SASH1: variants seen among roughly 807,000 people sequenced by gnomAD.
SASH1 encodes the protein SAM and SH3 domain-containing protein 1.
Under a neutral mutation model 125.2 loss-of-function variants are expected in SASH1, and 44 were observed. The ratio of observed to expected loss-of-function variants is 0.35; its 90% CI spans 0.28 to 0.45. The LOEUF (loss-of-function observed/expected upper bound fraction) is 0.45, where lower values mean the gene tolerates loss of function less well. Among genes scored for constraint, SASH1 ranks in the 20% least tolerant of loss-of-function variants. The pLI is 1.00. For synonymous variants in SASH1, 639 were observed against 649.1 expected (o/e 0.98, Z 0.24); for missense variants, 1,426 against 1,614.5 (o/e 0.88, Z 2.00).
intron 4 of SASH1, among the ~76,000 whole-genome samples, chr6:148,467,789 T>C (rs1777915860): frequency 6.6e-6 from 1 of 151,990 alleles, no homozygotes; most frequent in Admixed American, 6.6e-5. Flanking sequence ...ATACAAAAAT[T>C]AGCCAGGCGT....
chr6:148,424,790 A>G (rs1268534989), intron 2 of SASH1, among the ~76,000 whole-genome samples: 1 of 152,146 alleles, frequency 6.6e-6, no homozygotes, highest in Non-Finnish European at 1.5e-5. Context: ...ACTGAATCTG[A>G]CTAGAAGCAG....
chr6:148,489,267 T>C (rs1288993121), intron 8 of SASH1, among the ~76,000 whole-genome samples: 2 of 152,184 alleles, frequency 1.3e-5, no homozygotes, highest in Admixed American at 1.3e-4. Flanking sequence ...TTTTTGAAAA[T>C]TGATTGATCA....
At chr6:148,335,040 G>A (rs1781113185) in intron 1 of SASH1, among the ~76,000 whole-genome samples, 1 of 150,998 alleles carries the variant, frequency 6.6e-6, no homozygotes, top group African/African-American at 2.4e-5. Flanking sequence ...GCTCACACTT[G>A]TAATCCCAGC....
intron 7 of SASH1, among the ~76,000 whole-genome samples, 186 bp from the exon 8 acceptor site, chr6:148,487,428 G>T (rs1307788329): frequency 6.6e-6 from 1 of 152,092 alleles, no homozygotes; most frequent in Non-Finnish European, 1.5e-5. Context: ...TGGGAAAGGT[G>T]TCTTTGGCTG....
the SASH1 span, among the ~76,000 whole-genome samples, chr6:148,204,053 C>A: frequency 6.6e-6 from 1 of 152,192 alleles, no homozygotes; most frequent in African/African-American, 2.4e-5. Context: ...TTCTCCACTG[C>A]GGCTTCCTAC....
intron 1 of SASH1, among the ~76,000 whole-genome samples, chr6:148,337,714 C>T (rs936835542): frequency 7.2e-5 from 11 of 152,102 alleles, no homozygotes; most frequent in Non-Finnish European, 1.0e-4. Context: ...TCTGTACATA[C>T]GTGTGTATAT....
At chr6:148,374,564 G>T (rs78072374) in intron 1 of SASH1, among the ~76,000 whole-genome samples, 1 of 152,134 alleles carries the variant, frequency 6.6e-6, no homozygotes, top group Non-Finnish European at 1.5e-5. Flanking sequence ...AGGCAGAAAT[G>T]ACTGTCAAGT....
chr6:148,374,045 C>T lies in SASH1; in HGVS notation c.157-16089C>T, dbSNP rs928394327. Among the ~76,000 whole-genome samples, 7 of 152,190 alleles carry T rather than the reference C, an allele frequency of 4.6e-5. No homozygotes were observed. In the South Asian group the frequency reaches 1.4e-3, roughly 31 times the overall value. On this transcript the variant is annotated intron_variant, in intron 1 of 19. Transcript: ENST00000367467. ...GCTGTGCTCTGAGAATGGAAACACA[C>T]GGTCCATCCTGACAGAATCAACTAG...
intron 1 of SASH1, among the ~76,000 whole-genome samples, chr6:148,349,079 C>T (rs1387937475): frequency 1.3e-5 from 2 of 151,958 alleles, no homozygotes; most frequent in Non-Finnish European, 2.9e-5. Context: ...GTGGGCCCTT[C>T]CCCACAGAGC....
At chr6:148,208,656 T>G in the SASH1 span, among the ~76,000 whole-genome samples, 1 of 152,116 alleles carries the variant, frequency 6.6e-6, no homozygotes, top group Non-Finnish European at 1.5e-5. Context: ...AGGGGATAGG[T>G]TTAGCTTTTT....
At chr6:148,226,437 A>T in the SASH1 span, among the ~76,000 whole-genome samples, 1 of 152,212 alleles carries the variant, frequency 6.6e-6, no homozygotes, top group Non-Finnish European at 1.5e-5. Flanking sequence ...TTAATCGTTC[A>T]GTCAGGATGC....
At chr6:148,214,173 G>A in the SASH1 span, among the ~76,000 whole-genome samples, 3 of 152,176 alleles carry the variant, frequency 2.0e-5, no homozygotes, top group African/African-American at 7.2e-5. Context: ...AGTATCCATC[G>A]CTCCTGACAC....
chr6:148,356,674 C>T (rs879688801), intron 1 of SASH1, among the ~76,000 whole-genome samples: 12 of 152,098 alleles, frequency 7.9e-5, no homozygotes, highest in Admixed American at 6.5e-4. Context: ...AGGCTGGTCT[C>T]GAGCTCCTGA....
intron 1 of SASH1, among the ~76,000 whole-genome samples, chr6:148,305,166 A>G (rs1780091707): frequency 6.6e-6 from 1 of 152,196 alleles, no homozygotes. Flanking sequence ...CTTTCTCATT[A>G]ACATTCCTGG....
chr6:148,222,926 C>T, the SASH1 span, among the ~76,000 whole-genome samples: 7 of 152,192 alleles, frequency 4.6e-5, no homozygotes, highest in African/African-American at 1.4e-4. Context: ...TTACACCTAC[C>T]GGACCTCTTG....
chr6:148,259,546 T>C, the SASH1 span, among the ~76,000 whole-genome samples: 1 of 152,202 alleles, frequency 6.6e-6, no homozygotes, highest in Non-Finnish European at 1.5e-5. Flanking sequence ...TTTATGGCTG[T>C]GCTTGTGTCG....
chr6:148,551,489 A>G lies in SASH1; in HGVS notation c.*2931A>G, dbSNP rs1782876256. On this transcript the variant is annotated 3_prime_UTR_variant, in exon 20 of 20. Transcript: ENST00000367467. ...ACCCAGATAACTAAGATATTGTTTC[A>G]TGGCCTTGCCTTAGTCAGAGGCCCT... 1 of 152,340 alleles carries G rather than the reference A, an allele frequency of 6.6e-6. No homozygotes were observed. The highest frequency in any genetic ancestry group is 2.1e-4 in the South Asian group (1 of 4,830). 9.4% of individuals were successfully genotyped at this position (152,340 alleles called of 1,614,324 possible).
the SASH1 span, among the ~76,000 whole-genome samples, chr6:148,243,709 CTGCTTTAAAGT>C: frequency 6.7e-6 from 1 of 149,010 alleles, no homozygotes; most frequent in Non-Finnish European, 1.5e-5. Context: ...ACTTGAAATC[CTGCTTTAAAGT>C]TGGACTTCCA....
chr6:148,339,529 T>C (rs1781263189), upstream of SASH1, among the ~76,000 whole-genome samples: 1 of 150,860 alleles, frequency 6.6e-6, no homozygotes, highest in African/African-American at 2.4e-5. Context: ...GATATATAAT[T>C]ATAAATATAG....
Sources: allele counts gnomAD v4.1 joint callset (sites outside exome capture counted in the v4.1 genomes callset), GRCh38; gene constraint gnomAD v4.1.1; transcripts MANE v1.5; gene names NCBI Gene and HGNC (gene_info 2026-07-23, HGNC 2026-07-21).